ME1: variants seen among roughly 807,000 people sequenced by gnomAD.
The protein encoded by ME1 is malic enzyme 1.
A neutral mutation model predicts 66.4 loss-of-function variants in ME1; 74 were observed. The observed-to-expected ratio is 1.11, with a 90% CI of 0.92 to 1.35. The LOEUF (loss-of-function observed/expected upper bound fraction) is 1.35. Ranked by LOEUF, ME1 falls within the 40% of genes most tolerant of loss-of-function variation. The pLI, the probability that ME1 is intolerant of heterozygous loss-of-function variation, is 0.00. For missense variants in ME1, 750 were observed against 694.1 expected (o/e 1.08, Z -0.90); for synonymous variants, 251 against 235.6 (o/e 1.07, Z -0.60).
chr6:83,355,695 T>G (rs1163839559), intron 3 of ME1, among the ~76,000 whole-genome samples: 1 of 152,114 alleles, frequency 6.6e-6, no homozygotes, highest in Non-Finnish European at 1.5e-5. Flanking sequence ...GAATGAGATA[T>G]CCAAAAGTGT....
intron 13 of ME1, among the ~76,000 whole-genome samples, chr6:83,212,742 CT>C (rs1789917636): frequency 6.6e-6 from 1 of 152,126 alleles, no homozygotes; most frequent in Admixed American, 6.5e-5. Flanking sequence ...GCACATTATA[CT>C]TTTTTCTCTC....
At chr6:83,259,844 G>T (rs530009909) in intron 6 of ME1, among the ~76,000 whole-genome samples, 4 of 151,810 alleles carry the variant, frequency 2.6e-5, no homozygotes, top group African/African-American at 9.7e-5. Flanking sequence ...TATTCTTTGT[G>T]ACAGTAGAAA....
At chr6:83,243,886 T>C (rs971489362) in intron 7 of ME1, among the ~76,000 whole-genome samples, 3 of 113,066 alleles carry the variant, frequency 2.7e-5, no homozygotes, top group African/African-American at 7.1e-5. Context: ...TATGTGTGTG[T>C]GTATATATAT....
intron 6 of ME1, among the ~76,000 whole-genome samples, chr6:83,264,804 T>G (rs1047704963): frequency 6.6e-6 from 1 of 152,352 alleles, no homozygotes; most frequent in South Asian, 2.1e-4. Flanking sequence ...AGTGTTTTTT[T>G]GAGATGAAAT....
chr6:83,381,661 G>C (rs1386024612), intron 3 of ME1, among the ~76,000 whole-genome samples: 2 of 152,120 alleles, frequency 1.3e-5, no homozygotes, highest in Non-Finnish European at 2.9e-5. Context: ...TGGCAACTCT[G>C]TTAGCTTACA....
At chr6:83,324,376 TA>T (rs1315440156) in intron 5 of ME1, among the ~76,000 whole-genome samples, 7 of 151,470 alleles carry the variant, frequency 4.6e-5, no homozygotes, top group African/African-American at 1.5e-4. Context: ...GAAAAACCCT[TA>T]AAAAAATGAA....
At chr6:83,278,739 A>G (rs1007785297) in intron 6 of ME1, among the ~76,000 whole-genome samples, 2 of 152,146 alleles carry the variant, frequency 1.3e-5, no homozygotes, top group South Asian at 4.1e-4. Flanking sequence ...AATTACAGGC[A>G]TGAGCCACTA....
chr6:83,256,838 A>G (rs796496607), intron 6 of ME1, among the ~76,000 whole-genome samples: 6 of 152,318 alleles, frequency 3.9e-5, no homozygotes, highest in African/African-American at 1.4e-4. Context: ...AGGCACATAT[A>G]TGCCGTGAAA....
At chr6:83,289,709 A>G (rs1053432447) in intron 6 of ME1, among the ~76,000 whole-genome samples, 6 of 152,182 alleles carry the variant, frequency 3.9e-5, no homozygotes, top group African/African-American at 1.4e-4. Flanking sequence ...AAGGAATGGT[A>G]CCAGCTCCTC....
At chr6:83,219,562 G>T (rs1790048105) in intron 12 of ME1, among the ~76,000 whole-genome samples, 1 of 152,008 alleles carries the variant, frequency 6.6e-6, no homozygotes, top group Non-Finnish European at 1.5e-5. Context: ...TGTCAGAAAA[G>T]TATTCAATTA....
intron 9 of ME1, among the ~76,000 whole-genome samples, chr6:83,235,304 T>C (rs1790378911): frequency 6.6e-6 from 1 of 152,128 alleles, no homozygotes; most frequent in Admixed American, 6.5e-5. Flanking sequence ...CACTAGGCTA[T>C]CAGCTTCCTA....
intron 3 of ME1, among the ~76,000 whole-genome samples, chr6:83,367,028 C>T (rs906555960): frequency 3.3e-5 from 5 of 152,136 alleles, no homozygotes; most frequent in Non-Finnish European, 4.4e-5. Flanking sequence ...CAAAATTACT[C>T]CTTAATCCAC....
At chr6:83,412,857 C>CA (rs1770078417) in intron 1 of ME1, among the ~76,000 whole-genome samples, 1 of 152,054 alleles carries the variant, frequency 6.6e-6, no homozygotes, top group Non-Finnish European at 1.5e-5. Context: ...AAAGAGGGAG[C>CA]AAAAAGAAAA....
At chr6:83,349,558 A>G (rs767093601) in intron 4 of ME1, among the ~76,000 whole-genome samples, 40 of 152,300 alleles carry the variant, frequency 2.6e-4, no homozygotes, top group Non-Finnish European at 5.1e-4. Context: ...GATACTCTCC[A>G]TGTGTCCTGT....
intron 5 of ME1, among the ~76,000 whole-genome samples, chr6:83,325,020 T>C (rs113582563): frequency 1.1e-4 from 17 of 152,092 alleles, no homozygotes; most frequent in Non-Finnish European, 2.4e-4. Flanking sequence ...TCCACCATGA[T>C]CAAGTGGGCT....
intron 3 of ME1, among the ~76,000 whole-genome samples, chr6:83,377,849 TA>T (rs34675860): frequency 0.28 from 42,746 of 151,796 alleles, 6,683 homozygotes; most frequent in Middle Eastern, 0.48. Flanking sequence ...TTTTTCCATT[TA>T]AACTAAAATA....
chr6:83,213,431 G>A lies in ME1; in HGVS notation c.1549-1337C>T, dbSNP rs951628258. Among the ~76,000 whole-genome samples the A allele has an allele frequency of 5.3e-5, 8 of 150,604 alleles. No individual in the cohort carries two copies. In the South Asian group the frequency reaches 8.7e-4, roughly 16 times the overall value. ...AAGAGCAAAACTCCATCTCAAAAAC[G>A]AAACAAAACAAAACAAAAAACAACA... is the stretch of plus-strand genomic sequence containing the variant. On this transcript the variant is annotated intron_variant, in intron 13 of 13. Coordinates refer to ENST00000369705, the MANE Select transcript of ME1 (RefSeq NM_002395.6).
intron 3 of ME1, among the ~76,000 whole-genome samples, chr6:83,383,923 T>C (rs904467040): frequency 2.6e-5 from 4 of 151,902 alleles, no homozygotes; most frequent in Non-Finnish European, 4.4e-5. Context: ...AAAATATTAT[T>C]ACAAAATATA....
intron 1 of ME1, among the ~76,000 whole-genome samples, chr6:83,420,615 C>T (rs1770245417): frequency 6.6e-6 from 1 of 152,192 alleles, no homozygotes; most frequent in Admixed American, 6.5e-5. Context: ...TTCTCCAACA[C>T]ACATTCAACA....
Sources: gnomAD v4.1 joint callset for allele counts (sites outside exome capture counted in the v4.1 genomes callset) on GRCh38, gnomAD v4.1.1 for gene constraint, MANE v1.5 for transcripts, NCBI Gene and HGNC (gene_info 2026-07-23, HGNC 2026-07-21) for gene names.